SPECC1L: variants seen among roughly 807,000 people sequenced by gnomAD.
The protein encoded by SPECC1L is sperm antigen with calponin homology and coiled-coil domains 1 like, also known as cytospin-A.
A neutral mutation model predicts 116.8 loss-of-function variants in SPECC1L; 40 were observed. The ratio of observed to expected loss-of-function variants is 0.34; its 90% CI spans 0.27 to 0.45. The LOEUF is 0.45. Among genes scored for constraint, SPECC1L ranks in the 20% least tolerant of loss-of-function variants. SPECC1L has a pLI of 1.00. For synonymous variants in SPECC1L, 504 were observed against 500.6 expected (o/e 1.01, Z -0.09); for missense variants, 1,110 against 1,373.6 (o/e 0.81, Z 3.03).
chr22:24,391,174 C>T (rs1186802378), intron 14 of SPECC1L, among the ~76,000 whole-genome samples: 3 of 151,792 alleles, frequency 2.0e-5, no homozygotes, highest in Admixed American at 6.6e-5. Context: ...TGCGCCCGGC[C>T]GGGCCTGTGT....
At chr22:24,277,366 C>T (rs1239880753) in intron 2 of SPECC1L, among the ~76,000 whole-genome samples, 3 of 152,196 alleles carry the variant, frequency 2.0e-5, no homozygotes, top group Non-Finnish European at 4.4e-5. Flanking sequence ...AACAAAATCA[C>T]AGGTTTATGG....
At chr22:24,330,184 A>G in intron 7 of SPECC1L, 72 bp from the exon 8 acceptor site, 1 of 1,523,258 alleles carries the variant, frequency 6.6e-7, no homozygotes, top group Non-Finnish European at 9.1e-7. Context: ...CCAATCATAA[A>G]CAAATTTTAT....
chr22:24,407,911 G>A (rs1396712820), intron 14 of SPECC1L, among the ~76,000 whole-genome samples: 1 of 152,120 alleles, frequency 6.6e-6, no homozygotes. Context: ...AGGTGCACAG[G>A]GCATTAGGAA....
chr22:24,412,283 G>C, intron 15 of SPECC1L: 1 of 378,512 alleles, frequency 2.6e-6, no homozygotes, highest in Non-Finnish European at 5.1e-6. Context: ...TCAGCCCCCA[G>C]CCCTGCAGAC....
intron 11 of SPECC1L, among the ~76,000 whole-genome samples, chr22:24,348,234 C>T (rs2041344661): frequency 6.6e-6 from 1 of 152,096 alleles, no homozygotes; most frequent in Non-Finnish European, 1.5e-5. Flanking sequence ...TTCCATGCGT[C>T]AGGAATTCTT....
At chr22:24,371,749 T>G (rs1413752564) in intron 14 of SPECC1L, among the ~76,000 whole-genome samples, 1 of 151,958 alleles carries the variant, frequency 6.6e-6, no homozygotes, top group Non-Finnish European at 1.5e-5. Context: ...AGAGACAGAG[T>G]CTCATTCTGT....
intron 3 of SPECC1L, among the ~76,000 whole-genome samples, chr22:24,303,057 C>T (rs1435059297): frequency 6.6e-6 from 1 of 152,086 alleles, no homozygotes; most frequent in African/African-American, 2.4e-5. Context: ...CTCCTGGGTT[C>T]AGTGGATCCT....
chr22:24,398,852 T>TCCTCCCTC (rs1349367013), intron 14 of SPECC1L, among the ~76,000 whole-genome samples: 1 of 152,136 alleles, frequency 6.6e-6, no homozygotes, highest in Non-Finnish European at 1.5e-5. Context: ...TTACCTCCCT[T>TCCTCCCTC]CCTCCCTCAC....
chr22:24,279,569 T>A (rs1195450748), intron 2 of SPECC1L, among the ~76,000 whole-genome samples: 4 of 146,476 alleles, frequency 2.7e-5, no homozygotes, highest in East Asian at 2.0e-4. Flanking sequence ...TTTATTTTTT[T>A]AATTATTATT....
At chr22:24,312,551 CA>C (rs1164169798) in intron 3 of SPECC1L, among the ~76,000 whole-genome samples, 4 of 152,202 alleles carry the variant, frequency 2.6e-5, no homozygotes, top group Admixed American at 2.6e-4. Flanking sequence ...TTTTTTCCCC[CA>C]CATATCTTTA....
intron 14 of SPECC1L, among the ~76,000 whole-genome samples, chr22:24,410,142 T>C (rs1019304941): frequency 2.0e-5 from 3 of 151,818 alleles, no homozygotes; most frequent in African/African-American, 7.3e-5. Flanking sequence ...GTTACAGAGG[T>C]GTTTTGGTTT....
At chr22:24,412,389 A>G (rs922683535) in intron 15 of SPECC1L, 1 of 570,344 alleles carries the variant, frequency 1.8e-6, no homozygotes, top group Non-Finnish European at 3.2e-6. Context: ...TTGGTGCGGC[A>G]GAAGTAGGAT....
chr22:24,387,283 C>T (rs1417800704), intron 14 of SPECC1L, among the ~76,000 whole-genome samples: 1 of 152,192 alleles, frequency 6.6e-6, no homozygotes, highest in African/African-American at 2.4e-5. Flanking sequence ...TAATATTGAG[C>T]AGAAGCAGCC....
intron 14 of SPECC1L, among the ~76,000 whole-genome samples, chr22:24,394,081 G>C (rs1267902853): frequency 6.6e-6 from 1 of 152,104 alleles, no homozygotes; most frequent in Non-Finnish European, 1.5e-5. Flanking sequence ...AAGCCATTCA[G>C]CTGCTGATGG....
At chr22:24,327,445 G>A (rs994222765) in intron 6 of SPECC1L, among the ~76,000 whole-genome samples, 6 of 152,004 alleles carry the variant, frequency 3.9e-5, no homozygotes, top group Admixed American at 6.6e-5. Context: ...ATACTTTAGG[G>A]TCCTAATTAA....
chr22:24,325,171 C>A (rs1162625152), intron 6 of SPECC1L, among the ~76,000 whole-genome samples: 1 of 152,168 alleles, frequency 6.6e-6, no homozygotes, highest in Admixed American at 6.5e-5. Flanking sequence ...AGTAGTAGTT[C>A]TTTTCCTTGG....
In SPECC1L at chr22:24,360,433, G is replaced by GT. The variant is rs1373988821; in HGVS notation, c.2744-2827dup. ...GTGCGTTTTTGTGTATTTTCAGAAA[G>GT]TAAGTGTGAGGCTGTGACAGGGACA... On this transcript the variant is annotated intron_variant, in intron 11 of 16. Coordinates refer to ENST00000314328, the MANE Select transcript of SPECC1L (RefSeq NM_015330.6). Among the ~76,000 whole-genome samples, 7 of 152,300 alleles carry GT rather than the reference G, an allele frequency of 4.6e-5. No individual in the cohort carries two copies. In the East Asian group the frequency reaches 7.7e-4, roughly 17 times the overall value.
At chr22:24,389,576 G>A (rs2042227125) in intron 14 of SPECC1L, among the ~76,000 whole-genome samples, 1 of 151,252 alleles carries the variant, frequency 6.6e-6, no homozygotes, top group South Asian at 2.1e-4. Flanking sequence ...GCAGCCAGAA[G>A]TTTCCTAGCA....
intron 11 of SPECC1L, among the ~76,000 whole-genome samples, chr22:24,348,416 A>T (rs760771634): frequency 1.3e-5 from 2 of 152,152 alleles, no homozygotes; most frequent in Non-Finnish European, 2.9e-5. Context: ...AACTGGCCCT[A>T]TACCTGTCAG....
Sources: allele counts gnomAD v4.1 joint callset (sites outside exome capture counted in the v4.1 genomes callset), GRCh38; gene constraint gnomAD v4.1.1; transcripts MANE v1.5; gene names NCBI Gene and HGNC (gene_info 2026-07-23, HGNC 2026-07-21).